Variants in LGI2 observed in about 807,000 individuals in gnomAD.
The protein encoded by LGI2 is leucine rich repeat LGI family member 2, also known as leucine-rich repeat LGI family member 2.
In LGI2, 30 loss-of-function variants were observed where a neutral mutation model predicts 52.0. That is an observed-to-expected ratio of 0.58 (90% CI 0.43 to 0.78). The LOEUF (loss-of-function observed/expected upper bound fraction) is 0.78. Among genes scored for constraint, LGI2 ranks in the 30% least tolerant of loss-of-function variants. The pLI, the probability that LGI2 is intolerant of heterozygous loss-of-function variation, is 0.00. For missense variants in LGI2, 573 were observed against 692.5 expected, an observed-to-expected ratio of 0.83 and a Z score of 1.94; for synonymous variants, 270 against 271.8, an observed-to-expected ratio of 0.99 and a Z score of 0.06.
At position 25,003,203 on chromosome 4, in the gene LGI2, A is replaced by C. The variant is rs1725296861; in HGVS notation, c.*248T>G. ...TCTAGATGATAAGAGTAAATGCTGT[A>C]CTCTTTTCTCAGAAATTACAGGCTT... On this transcript the variant is annotated 3_prime_UTR_variant, in exon 8 of 8. Coordinates refer to ENST00000382114, the MANE Select transcript of LGI2 (RefSeq NM_018176.4). 15 of 410,946 alleles carry C rather than the reference A, an allele frequency of 3.7e-5. No homozygotes were observed. The Admixed American group carries it at 4.5e-4, about 12-fold the overall frequency. 25.5% of individuals were successfully genotyped at this position (410,946 alleles called of 1,614,324 possible). A position where few individuals can be genotyped will look rare whatever the true frequency, so the allele number is the denominator to read the frequency against.
At chr4:25,020,275 T>C (rs1346080772) in intron 4 of LGI2, among the ~76,000 whole-genome samples, 1 of 152,214 alleles carries the variant, frequency 6.6e-6, no homozygotes, top group African/African-American at 2.4e-5. Context: ...TTAAAGATCA[T>C]TCTAAGACGT....
intron 7 of LGI2, among the ~76,000 whole-genome samples, chr4:25,006,084 C>T (rs1725385473): frequency 6.6e-6 from 1 of 152,250 alleles, no homozygotes; most frequent in African/African-American, 2.4e-5. Flanking sequence ...ATCACAAGAC[C>T]TTGCCCCTTA....
rs186771822 is a variant in LGI2 at position 25,022,382 on chromosome 4, G to A, written c.413+2438C>T. ...AAGCAGTGGGATGGGGTGGGGGAGC[G>A]CCGAAAGCTTGATGTTCTGAAGACA... On this transcript the variant is annotated intron_variant, in intron 4 of 7. Coordinates refer to ENST00000382114, the MANE Select transcript of LGI2 (RefSeq NM_018176.4). 8.0e-4 allele frequency among the ~76,000 whole-genome samples: 122 copies of A among 152,282 alleles called. 1 individual carries two copies. Among genetic ancestry groups the A allele is most frequent in the Admixed American group, 3.2e-3 (49 of 15,304 alleles).
At chr4:25,025,619 C>T (rs11729259) in intron 3 of LGI2, among the ~76,000 whole-genome samples, 37,926 of 152,078 alleles carry the variant, frequency 0.25, 5,169 homozygotes, top group Middle Eastern at 0.39. Context: ...GAATTCACTA[C>T]GACTATTCTC....
chr4:25,025,993 T>C (rs1726138561), intron 3 of LGI2, among the ~76,000 whole-genome samples: 1 of 152,200 alleles, frequency 6.6e-6, no homozygotes, highest in South Asian at 2.1e-4. Context: ...ATGTATATGA[T>C]AATATCAGAG....
chr4:25,010,635 A>G (rs1200981074), intron 7 of LGI2, among the ~76,000 whole-genome samples: 1 of 152,206 alleles, frequency 6.6e-6, no homozygotes, highest in East Asian at 1.9e-4. Flanking sequence ...AGCTCTTTCT[A>G]GTATGTATGC....
intron 6 of LGI2, among the ~76,000 whole-genome samples, chr4:25,013,436 G>T (rs1224662667): frequency 1.3e-5 from 2 of 152,204 alleles, no homozygotes; most frequent in Non-Finnish European, 2.9e-5. Flanking sequence ...GGCTCTAGTG[G>T]ACGGGGTACC....
chr4:25,016,561 C>T (rs1358506318), intron 6 of LGI2, among the ~76,000 whole-genome samples: 1 of 152,162 alleles, frequency 6.6e-6, no homozygotes, highest in African/African-American at 2.4e-5. Flanking sequence ...GGGCACCTGT[C>T]AATTACACAG....
intron 7 of LGI2, among the ~76,000 whole-genome samples, chr4:25,007,904 C>T (rs1725445362): frequency 6.6e-6 from 1 of 152,160 alleles, no homozygotes; most frequent in Non-Finnish European, 1.5e-5. Flanking sequence ...ACCCCATGGC[C>T]AAACAAGATG....
In LGI2 at chr4:25,004,190, G is replaced by C; in HGVS notation, c.899C>G (p.Ser300Cys). 6.2e-7 allele frequency: 1 copy of C among 1,614,182 alleles called. No individual in the cohort carries two copies. Among genetic ancestry groups the C allele is most frequent in the Non-Finnish European group, 8.5e-7 (1 of 1,180,042 alleles). The change falls in exon 8 of 8, where the codon TCT (serine) becomes TGT (cysteine). Residue 300 changes from serine (S) to cysteine (C), a missense_variant. Ser to Cys is a moderately radical substitution (Grantham distance 112, BLOSUM62 -1). Coordinates refer to ENST00000382114, the MANE Select transcript of LGI2 (RefSeq NM_018176.4). This position sits in a 1 kb window ranked among gnomAD's most constrained non-coding sequence, Gnocchi z 4.6. ...FVVVAQLFGG[S>C]HIYKYDESWT... ...ACTCTCGTCGTATTTGTAAATGTGA[G>C]AGCCACCGAAGAGCTGGGCTACCAC... is the stretch of plus-strand genomic sequence containing the variant.
Position 25,003,417 on chromosome 4 carries a change from T to C in LGI2, c.*34A>G, listed in dbSNP as rs1725304483. The C allele has an allele frequency of 3.5e-6, 5 of 1,418,924 alleles. No homozygotes were observed. In the African/African-American group the frequency reaches 4.3e-5, roughly 12 times the overall value. The allele number at this position is 1,418,924 out of a possible 1,614,324, so 87.9% of individuals were successfully genotyped here. ...CTTGGTCCTCTTTTGTGAGAGCTAATGCTACATTTCTCTTAGTTTCACCCA... is the reference window on the plus strand; with the variant it reads ...CTTGGTCCTCTTTTGTGAGAGCTAACGCTACATTTCTCTTAGTTTCACCCA... On this transcript the variant is annotated 3_prime_UTR_variant, in exon 8 of 8. Transcript: ENST00000382114.
intron 3 of LGI2, among the ~76,000 whole-genome samples, chr4:25,026,434 A>ATG (rs374446434): frequency 6.4e-4 from 97 of 152,260 alleles, no homozygotes; most frequent in African/African-American, 2.1e-3. Flanking sequence ...TGCAAAAGAG[A>ATG]TGTAGAACAG....
intron 7 of LGI2, among the ~76,000 whole-genome samples, chr4:25,007,287 T>A (rs1344611327): frequency 1.3e-5 from 2 of 152,192 alleles, no homozygotes; most frequent in Non-Finnish European, 2.9e-5. Flanking sequence ...TGTTCTCAAG[T>A]GTAAGAATTG....
chr4:25,006,650 G>A (rs533794135), intron 7 of LGI2, among the ~76,000 whole-genome samples: 116 of 152,340 alleles, frequency 7.6e-4, no homozygotes, highest in African/African-American at 2.7e-3. Flanking sequence ...AACTTAAGAA[G>A]TGTGTAGGTA....
At position 25,001,557 on chromosome 4, in the gene LGI2, A is replaced by AG. The variant is rs1343979321; in HGVS notation, c.*1893dup. 4.4e-5 allele frequency: 5 copies of AG among 114,816 alleles called. No homozygotes were observed. Among genetic ancestry groups the AG allele is most frequent in the African/African-American group, 1.3e-4 (4 of 31,200 alleles). 7.1% of individuals were successfully genotyped at this position (114,816 alleles called of 1,614,324 possible). A position where few individuals can be genotyped will look rare whatever the true frequency, so the allele number is the denominator to read the frequency against. Reference sequence around the variant, plus strand: ...TTGTAGCCTGTTCAAAGAAACCAAGAGGGAAAAAAAAGTGCAGAAGAAAAG... The same window carrying AG: ...TTGTAGCCTGTTCAAAGAAACCAAGAGGGGAAAAAAAAGTGCAGAAGAAAAG... On this transcript the variant is annotated 3_prime_UTR_variant, in exon 8 of 8. Coordinates refer to ENST00000382114, the MANE Select transcript of LGI2 (RefSeq NM_018176.4).
At chr4:24,997,312 G>C (rs936286834), downstream of LGI2, among the ~76,000 whole-genome samples, 3 of 152,092 alleles carry the variant, frequency 2.0e-5, no homozygotes, top group Non-Finnish European at 2.9e-5. Context: ...CTTGCTAATG[G>C]GTACATGGTT....
rs1187234993 is a variant in LGI2 at position 25,003,696 on chromosome 4, T to C, written c.1393A>G (p.Met465Val). ...TTAAAAGAAAAGGGCTGCAGGGTCA[T>C]GGCCCCCCGGGATGGAAGAGCTTGG... The part of the protein sequence containing the change: ...EIQALPSRGA[M>V]TLQPFSFKDN... Residue 465 changes from methionine to valine, a missense_variant, in exon 8 of 8, where the codon ATG becomes GTG. Transcript: ENST00000382114. 4 of 1,614,106 alleles carry C rather than the reference T, an allele frequency of 2.5e-6. No homozygotes were observed. Among genetic ancestry groups the C allele is most frequent in the Admixed American group, 1.7e-5 (1 of 60,000 alleles).
chr4:25,011,325 TC>T (rs1363000567), intron 7 of LGI2, among the ~76,000 whole-genome samples: 2 of 152,142 alleles, frequency 1.3e-5, no homozygotes, highest in East Asian at 3.9e-4. Flanking sequence ...AGTCTGCACT[TC>T]CAAGAGCGTT....
intron 1 of LGI2, among the ~76,000 whole-genome samples, chr4:25,029,153 C>T (rs1161144082): frequency 1.3e-5 from 2 of 152,162 alleles, no homozygotes; most frequent in African/African-American, 2.4e-5. Flanking sequence ...TTTATTTCTG[C>T]CCCCAGGCCC....
Sources: allele counts gnomAD v4.1 joint callset (sites outside exome capture counted in the v4.1 genomes callset), GRCh38; gene constraint gnomAD v4.1.1; non-coding constraint Gnocchi (gnomAD v3.1); transcripts MANE v1.5; gene names NCBI Gene and HGNC (gene_info 2026-07-23, HGNC 2026-07-21).